CDH13: variants seen among roughly 807,000 people sequenced by gnomAD.
The protein encoded by CDH13 is cadherin 13, also known as cadherin-13.
A neutral mutation model predicts 63.8 loss-of-function variants in CDH13; 24 were observed. The ratio of observed to expected loss-of-function variants is 0.38; its 90% CI spans 0.27 to 0.53. CDH13 has a LOEUF of 0.53. Ranked by LOEUF, CDH13 falls within the 20% of genes least tolerant of loss-of-function variation. CDH13 has a pLI of 0.85. For missense variants in CDH13, 1,049 were observed against 903.1 expected (o/e 1.16, Z -2.07); for synonymous variants, 503 against 355.3 (o/e 1.42, Z -4.67).
intron 1 of CDH13, among the ~76,000 whole-genome samples, chr16:82,799,790 A>G (rs535189827): frequency 1.3e-5 from 2 of 152,258 alleles, no homozygotes; most frequent in Admixed American, 1.3e-4. Context: ...TGATTTTCTA[A>G]ATGGAGACTA....
At chr16:83,407,902 C>T (rs1463071361) in intron 6 of CDH13, among the ~76,000 whole-genome samples, 4 of 152,148 alleles carry the variant, frequency 2.6e-5, no homozygotes, top group African/African-American at 7.2e-5. Context: ...TTTAAAAGGG[C>T]AGAGTTTCCA....
At chr16:83,439,955 T>C (rs191646006) in intron 6 of CDH13, among the ~76,000 whole-genome samples, 28 of 152,264 alleles carry the variant, frequency 1.8e-4, no homozygotes, top group Admixed American at 1.3e-3. Flanking sequence ...GGGTGTCAAA[T>C]GTAAAGAAGA....
chr16:82,712,142 T>G (rs1450247041), intron 1 of CDH13, among the ~76,000 whole-genome samples: 1 of 152,178 alleles, frequency 6.6e-6, no homozygotes, highest in Non-Finnish European at 1.5e-5. Context: ...CCAACTGCCT[T>G]TCATCTATTG....
chr16:83,550,280 C>G (rs1432506212), intron 7 of CDH13, among the ~76,000 whole-genome samples: 1 of 152,210 alleles, frequency 6.6e-6, no homozygotes. Flanking sequence ...AGGGTGAACT[C>G]AAAGCATTCT....
intron 8 of CDH13, among the ~76,000 whole-genome samples, chr16:83,648,074 C>T (rs1465654246): frequency 6.6e-6 from 1 of 152,108 alleles, no homozygotes; most frequent in Non-Finnish European, 1.5e-5. Context: ...TTAAATATTC[C>T]CTCAAGGTGT....
chr16:82,665,737 C>T (rs1414940820), intron 1 of CDH13, among the ~76,000 whole-genome samples: 1 of 152,058 alleles, frequency 6.6e-6, no homozygotes, highest in Non-Finnish European at 1.5e-5. Flanking sequence ...CAGCTCCTCT[C>T]TGAACTGACA....
intron 1 of CDH13, among the ~76,000 whole-genome samples, chr16:82,697,184 A>G (rs1420028115): frequency 6.6e-6 from 1 of 152,198 alleles, no homozygotes; most frequent in Non-Finnish European, 1.5e-5. Context: ...AGGGAGAAAG[A>G]TCAAATAATT....
intron 1 of CDH13, among the ~76,000 whole-genome samples, chr16:82,849,585 G>C (rs1186546658): frequency 6.6e-6 from 1 of 152,214 alleles, no homozygotes; most frequent in Non-Finnish European, 1.5e-5. Context: ...AGAAGATCTA[G>C]CTAAGATCAT....
intron 3 of CDH13, among the ~76,000 whole-genome samples, chr16:83,085,288 T>C (rs1274933610): frequency 6.6e-6 from 1 of 152,100 alleles, no homozygotes; most frequent in African/African-American, 2.4e-5. Flanking sequence ...TTCACTATCA[T>C]GAGAATAGCA....
intron 1 of CDH13, among the ~76,000 whole-genome samples, chr16:82,788,482 C>G (rs943376051): frequency 4.6e-5 from 7 of 152,240 alleles, no homozygotes; most frequent in African/African-American, 1.7e-4. Flanking sequence ...GACCCTCCCT[C>G]CATGAGTTCA....
intron 5 of CDH13, among the ~76,000 whole-genome samples, chr16:83,284,009 C>A (rs2089247807): frequency 6.6e-6 from 1 of 152,170 alleles, no homozygotes; most frequent in African/African-American, 2.4e-5. Flanking sequence ...TGTATCTTTA[C>A]ACAAGCCTAG....
intron 2 of CDH13, among the ~76,000 whole-genome samples, chr16:82,929,494 A>G (rs1164881555): frequency 6.6e-6 from 1 of 151,494 alleles, no homozygotes; most frequent in African/African-American, 2.4e-5. Flanking sequence ...TACTAAAAAT[A>G]CAAAAAAATT....
intron 10 of CDH13, among the ~76,000 whole-genome samples, chr16:83,731,251 C>T (rs899616495): frequency 5.9e-5 from 9 of 152,198 alleles, no homozygotes; most frequent in Non-Finnish European, 1.3e-4. Context: ...CTGCTTTGGA[C>T]AGGGGCTGAA....
At chr16:83,357,719 T>G (rs2091083673) in intron 6 of CDH13, among the ~76,000 whole-genome samples, 1 of 152,158 alleles carries the variant, frequency 6.6e-6, no homozygotes, top group Non-Finnish European at 1.5e-5. Flanking sequence ...CCTCAAAATG[T>G]CAGTAGTGCC....
chr16:83,078,415 G>A (rs57860582), intron 3 of CDH13, among the ~76,000 whole-genome samples: 4,438 of 152,248 alleles, frequency 0.029, 215 homozygotes, highest in African/African-American at 0.1. Context: ...CATAAGGAAC[G>A]TGCGACCTAG....
chr16:82,766,535 C>T (rs1300405141), intron 1 of CDH13, among the ~76,000 whole-genome samples: 1 of 152,186 alleles, frequency 6.6e-6, no homozygotes, highest in Admixed American at 6.5e-5. Flanking sequence ...TGGAACAAAG[C>T]AGTTAATCTA....
intron 6 of CDH13, among the ~76,000 whole-genome samples, chr16:83,450,770 T>C (rs2072865676): frequency 6.6e-6 from 1 of 152,068 alleles, no homozygotes; most frequent in African/African-American, 2.4e-5. Context: ...CTTGGGAAGC[T>C]GAGGCAGGAG....
At chr16:82,828,764 C>G (rs953023682) in intron 1 of CDH13, among the ~76,000 whole-genome samples, 1 of 151,868 alleles carries the variant, frequency 6.6e-6, no homozygotes, top group African/African-American at 2.4e-5. Context: ...CAACTATTTT[C>G]ATAGCATTTA....
At chr16:82,762,364 C>CA (rs1437936117) in intron 1 of CDH13, among the ~76,000 whole-genome samples, 3 of 152,144 alleles carry the variant, frequency 2.0e-5, no homozygotes, top group Non-Finnish European at 4.4e-5. Flanking sequence ...CTTCTTGGCA[C>CA]AAAATATACC....
Sources: gnomAD v4.1 joint callset for allele counts (sites outside exome capture counted in the v4.1 genomes callset) on GRCh38, gnomAD v4.1.1 for gene constraint, MANE v1.5 for transcripts, NCBI Gene and HGNC (gene_info 2026-07-23, HGNC 2026-07-21) for gene names.